PHEX: variants seen among roughly 807,000 people sequenced by gnomAD.
PHEX encodes phosphate-regulating neutral endopeptidase PHEX.
PHEX carries 16 observed loss-of-function variants against 68.0 expected under a neutral mutation model. The ratio of observed to expected loss-of-function variants is 0.24; its 90% CI spans 0.16 to 0.36. The LOEUF (loss-of-function observed/expected upper bound fraction) is 0.36. Among genes scored for constraint, PHEX ranks in the 10% least tolerant of loss-of-function variants. The probability of loss-of-function intolerance (pLI) is 1.00; values close to 1 mark genes in which losing one functional copy is unlikely to be tolerated. For missense variants in PHEX, 480 were observed against 575.5 expected (o/e 0.83, Z 1.70); for synonymous variants, 208 against 205.1 (o/e 1.01, Z -0.12).
intron 15 of PHEX, among the ~76,000 whole-genome samples, chrX:22,204,111 T>C (rs1165317396): frequency 9.0e-6 from 1 of 111,223 alleles, no homozygotes; most frequent in Non-Finnish European, 1.9e-5. Flanking sequence ...TACCCTGATA[T>C]AAACCAATGG....
chrX:22,209,752 T>A (rs1318471979), intron 15 of PHEX, among the ~76,000 whole-genome samples: 1 of 64,879 alleles, frequency 1.5e-5, no homozygotes, highest in African/African-American at 9.6e-5. Context: ...CTGCTCCCTC[T>A]CCTCCCTCTC....
chrX:22,232,081 G>A (rs1044929771), intron 20 of PHEX, among the ~76,000 whole-genome samples: 1 of 112,026 alleles, frequency 8.9e-6, no homozygotes, highest in African/African-American at 3.2e-5. Flanking sequence ...GTGTGGTTTT[G>A]AGTGAGTTTC....
intron 12 of PHEX, among the ~76,000 whole-genome samples, chrX:22,134,486 G>A (rs1053651168): frequency 1.8e-5 from 2 of 112,276 alleles, no homozygotes; most frequent in Middle Eastern, 4.2e-3. Context: ...CCAGCTACTC[G>A]GGAGGCTGAG....
At chrX:22,207,934 T>C (rs56093605) in intron 15 of PHEX, among the ~76,000 whole-genome samples, 16,527 of 110,342 alleles carry the variant, frequency 0.15, 1,312 homozygotes, top group African/African-American at 0.31. Context: ...ATGTGCACAA[T>C]GTGCAGGTTT....
chrX:22,092,320 C>T (rs1929925290), intron 6 of PHEX, among the ~76,000 whole-genome samples: 2 of 111,982 alleles, frequency 1.8e-5, no homozygotes, highest in Non-Finnish European at 3.8e-5. Flanking sequence ...AACATATGCA[C>T]AGAGGGCCTA....
chrX:22,120,557 A>C, intron 11 of PHEX, among the ~76,000 whole-genome samples: 1 of 112,131 alleles, frequency 8.9e-6, no homozygotes, highest in Non-Finnish European at 1.9e-5. Context: ...GTGGAAACCT[A>C]ATTCATATCC....
chrX:22,229,072 T>A (rs2147186864), intron 20 of PHEX, among the ~76,000 whole-genome samples: 1 of 112,266 alleles, frequency 8.9e-6, no homozygotes, highest in East Asian at 2.8e-4. Context: ...CATCCTTTTT[T>A]ATGGCTACAC....
intron 2 of PHEX, among the ~76,000 whole-genome samples, chrX:22,041,338 C>CCATCTCA (rs1927283606): frequency 9.9e-6 from 1 of 101,453 alleles, no homozygotes; most frequent in African/African-American, 3.7e-5. Context: ...CTTACAGGCA[C>CCATCTCA]CATCTCATAA....
Position 22,062,534 on chromosome X carries a change from T to C in PHEX, c.350-13854T>C, listed in dbSNP as rs1341055665. Among the ~76,000 whole-genome samples, 3 of 111,633 alleles carry C rather than the reference T, an allele frequency of 2.7e-5. No homozygotes were observed. In the East Asian group the frequency reaches 8.4e-4, roughly 31 times the overall value. The stretch of plus-strand genomic sequence containing the variant: ...TTCTTACTAAGTCTTTCAAATGTGG[T>C]GCATATCTTAAACTTGCAACCCTTC... On this transcript the variant is annotated intron_variant, in intron 3 of 21. Coordinates refer to ENST00000379374, the MANE Select transcript of PHEX (RefSeq NM_000444.6).
rs746099153 is a variant in PHEX, at chrX:22,226,342, T to TATG, written c.1900-98_1900-96dup. 28 of 602,427 alleles carry TATG rather than the reference T, an allele frequency of 4.6e-5. No homozygotes were observed. In the East Asian group the frequency reaches 8.6e-4, roughly 19 times the overall value. The allele number at this position is 602,427 out of a possible 1,213,427, so 49.6% of individuals were successfully genotyped here. On this transcript the variant is annotated intron_variant, in intron 18 of 21. Coordinates refer to ENST00000379374, the MANE Select transcript of PHEX (RefSeq NM_000444.6). Reference sequence around the variant, plus strand: ...ATTGAATGTGATTTTCTCTTTAAAATATGATACTTTTCTTGCTATAATATT... The same window carrying TATG: ...ATTGAATGTGATTTTCTCTTTAAAATATGATGATACTTTTCTTGCTATAATATT...
chrX:22,193,309 T>C (rs1364843758), intron 15 of PHEX, among the ~76,000 whole-genome samples: 1 of 111,377 alleles, frequency 9.0e-6, no homozygotes, highest in Admixed American at 9.6e-5. Flanking sequence ...TTTTGGCACA[T>C]ATAAGTTATA....
At chrX:22,169,264 C>G (rs1330198080) in intron 13 of PHEX, among the ~76,000 whole-genome samples, 3 of 111,731 alleles carry the variant, frequency 2.7e-5, no homozygotes, top group Non-Finnish European at 5.6e-5. Context: ...CTCCATTGGG[C>G]TCTAAGATAT....
chrX:22,077,872 C>T (rs1929229120), intron 5 of PHEX, among the ~76,000 whole-genome samples, 170 bp downstream of exon 5: 1 of 111,903 alleles, frequency 8.9e-6, no homozygotes, highest in Non-Finnish European at 1.9e-5. Context: ...GAATGTAGAC[C>T]ATTACCATAC....
intron 15 of PHEX, among the ~76,000 whole-genome samples, chrX:22,205,609 A>G (rs768761038): frequency 9.2e-6 from 1 of 109,179 alleles, no homozygotes; most frequent in Admixed American, 9.8e-5. Context: ...AATCATCAGC[A>G]TTTATAAGTT....
intron 11 of PHEX, among the ~76,000 whole-genome samples, chrX:22,127,519 A>G (rs1320940001): frequency 8.9e-6 from 1 of 111,872 alleles, no homozygotes. Context: ...GATAAAAATC[A>G]GAAGTGTTCA....
At chrX:22,070,097 C>A (rs962484626) in intron 3 of PHEX, among the ~76,000 whole-genome samples, 1 of 110,843 alleles carries the variant, frequency 9.0e-6, no homozygotes, top group Non-Finnish European at 1.9e-5. Flanking sequence ...GGATTAGAGG[C>A]AGCATTCAAC....
At chrX:22,056,449 T>C (rs1452739213) in intron 3 of PHEX, among the ~76,000 whole-genome samples, 1 of 110,700 alleles carries the variant, frequency 9.0e-6, no homozygotes, top group African/African-American at 3.3e-5. Context: ...ACTTCCTCAT[T>C]CATATCTAGC....
chrX:22,098,437 G>A (rs1273315387), intron 8 of PHEX, among the ~76,000 whole-genome samples: 1 of 107,962 alleles, frequency 9.3e-6, no homozygotes, highest in Non-Finnish European at 1.9e-5. Flanking sequence ...GTTAGTGTGT[G>A]TGTGGGTGTC....
chrX:22,117,001 C>T (rs1479672295), intron 11 of PHEX, among the ~76,000 whole-genome samples: 1 of 111,801 alleles, frequency 8.9e-6, no homozygotes, highest in African/African-American at 3.3e-5. Flanking sequence ...TAGCAGGAGA[C>T]AAGATAAGGG....
Sources: gnomAD v4.1 joint callset for allele counts (sites outside exome capture counted in the v4.1 genomes callset) on GRCh38, gnomAD v4.1.1 for gene constraint, MANE v1.5 for transcripts, NCBI Gene and HGNC (gene_info 2026-07-23, HGNC 2026-07-21) for gene names.